Variants in CUL4A observed in about 807,000 individuals in gnomAD.
CUL4A encodes cullin 4A.
CUL4A carries 16 observed loss-of-function variants against 95.5 expected under a neutral mutation model. The ratio of observed to expected loss-of-function variants is 0.17; its 90% CI spans 0.11 to 0.25. The LOEUF is 0.25. Among genes scored for constraint, CUL4A ranks in the 10% least tolerant of loss-of-function variants. The probability of loss-of-function intolerance (pLI) is 1.00; values close to 1 mark genes in which losing one functional copy is unlikely to be tolerated. For missense variants in CUL4A, 610 were observed against 937.0 expected, an observed-to-expected ratio of 0.65 and a Z score of 4.56; for synonymous variants, 380 against 353.1, an observed-to-expected ratio of 1.08 and a Z score of -0.85.
chr13:113,208,646 CG>C (rs1443015008), upstream of CUL4A: 1 of 1,605,198 alleles, frequency 6.2e-7, no homozygotes. Context: ...GGAGCGCCGC[CG>C]AACGGAGAGC....
At chr13:113,218,745 C>G (rs1468015463) in intron 2 of CUL4A, among the ~76,000 whole-genome samples, 200 bp from the exon 3 acceptor site, 2 of 152,244 alleles carry the variant, frequency 1.3e-5, no homozygotes, top group South Asian at 2.1e-4. Flanking sequence ...CCCATGCCAA[C>G]TATGACTGGA....
intron 7 of CUL4A, 97 bp from the exon 8 acceptor site, chr13:113,234,966 T>C (rs1222031090): frequency 2.2e-6 from 2 of 891,614 alleles, no homozygotes; most frequent in Non-Finnish European, 3.5e-6. Flanking sequence ...ATTCTGCTTT[T>C]TAAAAAAATT....
intron 5 of CUL4A, among the ~76,000 whole-genome samples, chr13:113,231,334 G>A (rs1360466689): frequency 2.0e-5 from 3 of 152,186 alleles, no homozygotes; most frequent in Admixed American, 6.5e-5. Context: ...AGCAAAGGTG[G>A]TCAGGCAGCT....
chr13:113,216,145 T>C (rs1429809776), intron 2 of CUL4A, among the ~76,000 whole-genome samples: 1 of 151,686 alleles, frequency 6.6e-6, no homozygotes, highest in Non-Finnish European at 1.5e-5. Context: ...TCTGTGTGGC[T>C]GTGGAGGTCT....
rs749479685 is a variant in CUL4A at position 113,260,656 on chromosome 13, A to G, written c.2081A>G (p.Tyr694Cys). The G allele has an allele frequency of 1.2e-6, 2 of 1,613,384 alleles. No homozygotes were observed. Among genetic ancestry groups the G allele is most frequent in the Non-Finnish European group, 8.5e-7 (1 of 1,179,560 alleles). ...GAGAGAGTGTTTCAGGATAGACAAT[A>G]TCAGATTGATGCTGCTATCGTCAGA... is the stretch of plus-strand genomic sequence containing the variant. ...TTERVFQDRQYQIDAAIVRIM... is the reference protein window; with the variant it reads ...TTERVFQDRQCQIDAAIVRIM... The change falls in exon 19 of 20, where the codon TAT becomes TGT. Residue 694 changes from tyrosine to cysteine, a missense_variant. Coordinates refer to ENST00000375440, the MANE Select transcript of CUL4A (RefSeq NM_001008895.4).
At chr13:113,222,201 A>C (rs2040924594) in intron 3 of CUL4A, among the ~76,000 whole-genome samples, 1 of 152,184 alleles carries the variant, frequency 6.6e-6, no homozygotes, top group Non-Finnish European at 1.5e-5. Flanking sequence ...TTGTTGAACC[A>C]AGAGGTTGAG....
At chr13:113,239,615 A>C (rs2041649284) in intron 10 of CUL4A, 64 bp downstream of exon 10, 1 of 1,251,224 alleles carries the variant, frequency 8.0e-7, no homozygotes. Flanking sequence ...GCCCCTCCTG[A>C]GAACGCCTAG....
At chr13:113,210,237 G>A (rs1595332382) in intron 2 of CUL4A, 149 bp downstream of exon 2, 2 of 517,532 alleles carry the variant, frequency 3.9e-6, no homozygotes, top group South Asian at 2.7e-5. Context: ...AGCCCCAGAG[G>A]CAACAAGTGG....
At chr13:113,234,310 A>G (rs1181612270) in intron 7 of CUL4A, among the ~76,000 whole-genome samples, 1 of 152,244 alleles carries the variant, frequency 6.6e-6, no homozygotes, top group Non-Finnish European at 1.5e-5. Context: ...GTAAATGATA[A>G]AATTTTTCAT....
In CUL4A at chr13:113,227,399, T is replaced by C. The variant is rs78858239; in HGVS notation, c.369-577T>C. 4.7e-3 allele frequency among the ~76,000 whole-genome samples: 710 copies of C among 152,320 alleles called. 4 individuals are homozygous for C. Among genetic ancestry groups the C allele is most frequent in the African/African-American group, 0.016 (666 of 41,558 alleles). On this transcript the variant is annotated intron_variant, in intron 3 of 19. Coordinates refer to ENST00000375440, the MANE Select transcript of CUL4A (RefSeq NM_001008895.4). ...AGAGGCAGGGGAGCTCTCTGGGGTC[T>C]CTTTTGTAACCCCATTCTTGAGGCT...
At chr13:113,222,045 G>A (rs1274246322) in intron 3 of CUL4A, among the ~76,000 whole-genome samples, 1 of 152,216 alleles carries the variant, frequency 6.6e-6, no homozygotes, top group Non-Finnish European at 1.5e-5. Flanking sequence ...GCACAGGCCA[G>A]GGAGCAGCGT....
intron 5 of CUL4A, among the ~76,000 whole-genome samples, chr13:113,232,976 G>T (rs937537390): frequency 1.3e-5 from 2 of 152,208 alleles, no homozygotes; most frequent in Non-Finnish European, 2.9e-5. Flanking sequence ...ACGTGGAGCA[G>T]CTCTGTTTAA....
At chr13:113,252,652 G>A (rs1229931023) in intron 15 of CUL4A, among the ~76,000 whole-genome samples, 1 of 152,254 alleles carries the variant, frequency 6.6e-6, no homozygotes, top group Non-Finnish European at 1.5e-5. Flanking sequence ...AACGCAAGGG[G>A]TTGTGGTGTC....
At chr13:113,219,136 C>T in intron 3 of CUL4A, 88 bp downstream of exon 3, 2 of 696,932 alleles carry the variant, frequency 2.9e-6, no homozygotes, top group South Asian at 2.6e-5. Context: ...TAATGAGTAT[C>T]CTTAATATTA....
chr13:113,208,680 G>A (rs1393595269), upstream of CUL4A: 4 of 1,574,032 alleles, frequency 2.5e-6, no homozygotes, highest in Non-Finnish European at 2.6e-6. Context: ...GCCTCAAGCG[G>A]GCCAGCTGGC....
chr13:113,208,384 C>T, upstream of CUL4A: 1 of 1,439,468 alleles, frequency 6.9e-7, no homozygotes, highest in Non-Finnish European at 9.1e-7. Flanking sequence ...GGACACCGCC[C>T]GGCCCCCACG....
chr13:113,231,432 G>A (rs1009807504), intron 5 of CUL4A, among the ~76,000 whole-genome samples: 8 of 152,182 alleles, frequency 5.3e-5, no homozygotes, highest in East Asian at 1.9e-4. Flanking sequence ...ACCAGAAGAA[G>A]CCTGTGTGGG....
intron 2 of CUL4A, among the ~76,000 whole-genome samples, chr13:113,216,938 T>C (rs938834563): frequency 6.6e-6 from 1 of 152,186 alleles, no homozygotes; most frequent in African/African-American, 2.4e-5. Flanking sequence ...GTTCTTAAAT[T>C]CTTAATTTTA....
chr13:113,233,565 C>A lies in CUL4A; in HGVS notation c.675+226C>A, dbSNP rs182761079. ...CACTACATAAAATGCACGGATAGATCAATATCACTACATAAAATGCACGTT... is the reference window on the plus strand; with the variant it reads ...CACTACATAAAATGCACGGATAGATAAATATCACTACATAAAATGCACGTT... On this transcript the variant is annotated intron_variant, in intron 6 of 19. Coordinates refer to ENST00000375440, the MANE Select transcript of CUL4A (RefSeq NM_001008895.4). Among the ~76,000 whole-genome samples, 379 of 152,252 alleles carry A rather than the reference C, an allele frequency of 2.5e-3. 3 individuals are homozygous for A. The highest frequency in any genetic ancestry group is 3.8e-3 in the Non-Finnish European group (256 of 68,000).
Sources: gnomAD v4.1 joint callset for allele counts (sites outside exome capture counted in the v4.1 genomes callset) on GRCh38, gnomAD v4.1.1 for gene constraint, MANE v1.5 for transcripts, NCBI Gene and HGNC (gene_info 2026-07-23, HGNC 2026-07-21) for gene names.